MTMR2: variants seen among roughly 807,000 people sequenced by gnomAD.
MTMR2 encodes the protein myotubularin related protein 2.
In MTMR2, 55 loss-of-function variants were observed where a neutral mutation model predicts 86.9. The ratio of observed to expected loss-of-function variants is 0.63; its 90% confidence interval spans 0.51 to 0.79. MTMR2 has a LOEUF of 0.79. Among genes scored for constraint, MTMR2 ranks in the 30% least tolerant of loss-of-function variants. The probability of loss-of-function intolerance (pLI) is 0.00; values close to 1 mark genes in which losing one functional copy is unlikely to be tolerated. For synonymous variants in MTMR2, 241 were observed against 266.8 expected (o/e 0.90, Z 0.94); for missense variants, 659 against 772.3 (o/e 0.85, Z 1.74).
intron 1 of MTMR2, chr11:95,914,239 T>A: frequency 1.0e-6 from 1 of 959,328 alleles, no homozygotes; most frequent in Non-Finnish European, 1.2e-6. Flanking sequence ...CCCATTCACT[T>A]ACATTATAAT....
intron 1 of MTMR2, among the ~76,000 whole-genome samples, chr11:95,922,003 A>G (rs142723767): frequency 5.3e-5 from 8 of 152,318 alleles, no homozygotes; most frequent in Admixed American, 3.3e-4. Context: ...ATTTCGTGTA[A>G]TTGCAAAAAT....
At chr11:95,855,170 C>G (rs979075975) in intron 7 of MTMR2, among the ~76,000 whole-genome samples, 1 of 152,084 alleles carries the variant, frequency 6.6e-6, no homozygotes, top group Non-Finnish European at 1.5e-5. Flanking sequence ...TCACTACATA[C>G]TGTATATGTC....
chr11:95,890,416 C>T (rs1033292283), intron 1 of MTMR2, among the ~76,000 whole-genome samples: 40 of 152,076 alleles, frequency 2.6e-4, no homozygotes, highest in African/African-American at 9.7e-4. Flanking sequence ...TGTGCCCTGC[C>T]GAAGACAAGA....
Position 95,836,175 on chromosome 11 carries a change from T to A in MTMR2, c.1743A>T (p.Ile581=). The A allele has an allele frequency of 1.9e-6, 3 of 1,612,902 alleles. No individual in the cohort carries two copies. Among genetic ancestry groups the A allele is most frequent in the Non-Finnish European group, 2.5e-6 (3 of 1,179,084 alleles). ...GTGGTTTCATCCGTGGATTCCACCT[T>A]ATGTAATATCCCACCCAGAGCTCTA... is the stretch of plus-strand genomic sequence containing the variant. ...RHLELWVGYY[I]RWNPRMKPQE... is the part of the protein sequence containing the mutation. Residue 581 remains isoleucine, a synonymous_variant, in exon 14 of 15, where the codon ATA becomes ATT. Transcript: ENST00000346299.
At chr11:95,899,966 C>A (rs1282854412) in intron 1 of MTMR2, among the ~76,000 whole-genome samples, 1 of 152,084 alleles carries the variant, frequency 6.6e-6, no homozygotes, top group African/African-American at 2.4e-5. Flanking sequence ...TCAAATAGTT[C>A]TATGTGCAGA....
chr11:95,895,256 G>A (rs74745436), intron 1 of MTMR2, among the ~76,000 whole-genome samples: 42 of 151,912 alleles, frequency 2.8e-4, no homozygotes, highest in African/African-American at 9.4e-4. Flanking sequence ...TGTTTTTATA[G>A]GTCAGATGGC....
intron 5 of MTMR2, 108 bp from the exon 6 acceptor site, chr11:95,858,740 G>T: frequency 1.3e-6 from 1 of 763,726 alleles, no homozygotes; most frequent in Middle Eastern, 3.7e-4. Context: ...GTGAATGTGG[G>T]ATACAAAAAT....
chr11:95,876,096 G>A (rs557790867), intron 2 of MTMR2, among the ~76,000 whole-genome samples: 37 of 152,200 alleles, frequency 2.4e-4, no homozygotes, highest in Non-Finnish European at 3.7e-4. Context: ...CTCCAGCTGC[G>A]TGCTGGGAGA....
chr11:95,888,226 G>A lies in MTMR2; in HGVS notation c.116C>T (p.Thr39Ile), dbSNP rs1277283488. The A allele has an allele frequency of 6.2e-7, 1 of 1,613,538 alleles. No homozygotes were observed. Among genetic ancestry groups the A allele is most frequent in the Non-Finnish European group, 8.5e-7 (1 of 1,179,674 alleles). Residue 39 changes from threonine to isoleucine, a missense_variant, in exon 2 of 15, where the codon ACA becomes ATA. Coordinates refer to ENST00000346299, the MANE Select transcript of MTMR2 (RefSeq NM_016156.6). Reference sequence around the variant, plus strand: ...TGATGATACAACAGAAGCTGATTTTGTATGCACTGAATTCTCTGAATGAGA... The same window carrying A: ...TGATGATACAACAGAAGCTGATTTTATATGCACTGAATTCTCTGAATGAGA... ...STSHSENSVH[T>I]KSASVVSSDS... is the part of the protein sequence containing the mutation.
chr11:95,854,078 G>T (rs998864117), intron 7 of MTMR2, among the ~76,000 whole-genome samples: 1 of 152,082 alleles, frequency 6.6e-6, no homozygotes, highest in Admixed American at 6.5e-5. Context: ...GAGAACCAAT[G>T]ACTTAGATTA....
At chr11:95,911,481 G>A (rs1866503413) in intron 1 of MTMR2, among the ~76,000 whole-genome samples, 1 of 152,082 alleles carries the variant, frequency 6.6e-6, no homozygotes, top group Admixed American at 6.5e-5. Flanking sequence ...TGGGAGACAG[G>A]GGTGAGGACT....
Position 95,903,222 on chromosome 11 carries a change from C to G in MTMR2, c.81-14961G>C, listed in dbSNP as rs185383442. ...ACACTCTACTGTCTGACCATCAGCT[C>G]TTTTTCTCTAGTACCCCCAACCAAC... is the stretch of plus-strand genomic sequence containing the variant. On this transcript the variant is annotated intron_variant, in intron 1 of 14. Coordinates refer to ENST00000346299, the MANE Select transcript of MTMR2 (RefSeq NM_016156.6). Among the ~76,000 whole-genome samples, 5 of 152,276 alleles carry G rather than the reference C, an allele frequency of 3.3e-5. No homozygotes were observed. The East Asian group carries it at 9.6e-4, about 29-fold the overall frequency.
chr11:95,876,887 A>G (rs1216194315), intron 2 of MTMR2, among the ~76,000 whole-genome samples: 1 of 152,024 alleles, frequency 6.6e-6, no homozygotes. Context: ...CACACACACA[A>G]TTAGGAAATT....
intron 5 of MTMR2, among the ~76,000 whole-genome samples, chr11:95,860,043 G>C (rs1239552094): frequency 3.9e-5 from 6 of 152,090 alleles, no homozygotes; most frequent in Non-Finnish European, 8.8e-5. Context: ...CTGTTCCATG[G>C]AAAGAAATTA....
chr11:95,902,811 G>A (rs983816360), intron 1 of MTMR2, among the ~76,000 whole-genome samples: 2 of 152,066 alleles, frequency 1.3e-5, no homozygotes, highest in African/African-American at 2.4e-5. Flanking sequence ...CCTGAAAACT[G>A]GGCCTTGTCC....
At chr11:95,906,316 G>C (rs1241793250) in intron 1 of MTMR2, among the ~76,000 whole-genome samples, 4 of 152,098 alleles carry the variant, frequency 2.6e-5, no homozygotes, top group African/African-American at 9.7e-5. Context: ...ATTATAAAAT[G>C]GGTAAAGGAT....
chr11:95,894,164 C>G (rs1054198686), intron 1 of MTMR2, among the ~76,000 whole-genome samples: 3 of 152,116 alleles, frequency 2.0e-5, no homozygotes, highest in Admixed American at 6.6e-5. Flanking sequence ...CCTCTAATGT[C>G]CTTTATAATC....
intron 2 of MTMR2, among the ~76,000 whole-genome samples, chr11:95,880,072 A>G (rs1411795863): frequency 6.6e-6 from 1 of 151,848 alleles, no homozygotes; most frequent in Non-Finnish European, 1.5e-5. Flanking sequence ...TTTTTATAAT[A>G]GAAAGCTATA....
intron 1 of MTMR2, among the ~76,000 whole-genome samples, chr11:95,905,173 C>T (rs1398064724): frequency 1.3e-5 from 2 of 152,192 alleles, no homozygotes; most frequent in Non-Finnish European, 2.9e-5. Context: ...CCTCCTTAAC[C>T]TCATAACACT....
Sources: allele counts gnomAD v4.1 joint callset (sites outside exome capture counted in the v4.1 genomes callset), GRCh38; gene constraint gnomAD v4.1.1; transcripts MANE v1.5; gene names NCBI Gene and HGNC (gene_info 2026-07-23, HGNC 2026-07-21).